Variants in ESR2 observed in about 807,000 individuals in gnomAD.
The protein encoded by ESR2 is estrogen receptor 2.
In ESR2, 36 loss-of-function variants were observed where a neutral mutation model predicts 49.6. That is an observed-to-expected ratio of 0.73 (90% CI 0.56 to 0.96). The LOEUF (loss-of-function observed/expected upper bound fraction) is 0.96, where lower values mean the gene tolerates loss of function less well. ESR2 is among the 40% of genes least tolerant of loss of function. The pLI is 0.00. For synonymous variants in ESR2, 320 were observed against 266.1 expected, an observed-to-expected ratio of 1.20 and a Z score of -1.97; for missense variants, 714 against 693.0, an observed-to-expected ratio of 1.03 and a Z score of -0.34.
At chr14:64,287,683 A>T (rs1299322171) in intron 1 of ESR2, among the ~76,000 whole-genome samples, 1 of 152,198 alleles carries the variant, frequency 6.6e-6, no homozygotes, top group Admixed American at 6.5e-5. Context: ...GAGACAGGAG[A>T]ACAGGTAGCA....
At chr14:64,297,697 T>C (rs778649177), upstream of ESR2, 1 of 152,138 alleles carries the variant, frequency 6.6e-6, no homozygotes, top group African/African-American at 2.4e-5. Context: ...GGAAAGAAAC[T>C]ACCAAGAGGC....
intron 6 of ESR2, among the ~76,000 whole-genome samples, chr14:64,251,194 A>C (rs1286635760): frequency 6.6e-6 from 1 of 152,090 alleles, no homozygotes. Flanking sequence ...GAGATAACAC[A>C]AAAAACACCT....
chr14:64,320,891 G>A (rs899202761), intron 1 of ESR2, among the ~76,000 whole-genome samples: 5 of 151,856 alleles, frequency 3.3e-5, no homozygotes, highest in South Asian at 2.1e-4. Context: ...GCGAAACTCC[G>A]CCTCAATAAT....
chr14:64,291,348 A>G (rs1173662328), intron 1 of ESR2, among the ~76,000 whole-genome samples: 1 of 152,172 alleles, frequency 6.6e-6, no homozygotes, highest in Non-Finnish European at 1.5e-5. Flanking sequence ...CTCCACTAAA[A>G]GCCCTTCATT....
At chr14:64,239,081 G>A (rs2075667218) in intron 7 of ESR2, among the ~76,000 whole-genome samples, 1 of 152,212 alleles carries the variant, frequency 6.6e-6, no homozygotes, top group Non-Finnish European at 1.5e-5. Flanking sequence ...TGGCTTTGGG[G>A]AGCCGTATGT....
chr14:64,332,753 T>C, intron 1 of ESR2, among the ~76,000 whole-genome samples: 1 of 137,712 alleles, frequency 7.3e-6, no homozygotes. Flanking sequence ...TGAGCGGAGA[T>C]CGCACCACTG....
In ESR2 at chr14:64,260,721, C is replaced by T. The variant is rs2076202098; in HGVS notation, c.680G>A (p.Arg227His). 2 of 1,520,762 alleles carry T rather than the reference C, an allele frequency of 1.3e-6. No homozygotes were observed. The highest frequency in any genetic ancestry group is 1.4e-5 in the African/African-American group (1 of 71,622). 94.2% of individuals were successfully genotyped at this position (1,520,762 alleles called of 1,614,324 possible). The change falls in exon 5 of 9, where the codon CGC (arginine) becomes CAC (histidine). Residue 227 changes from arginine to histidine, a missense_variant. Arg to His is a conservative substitution (Grantham distance 29). Coordinates refer to ENST00000341099, the MANE Select transcript of ESR2 (RefSeq NM_001437.3). ...GGCACTTCTCTGTCTCCGCACAAGG[C>T]GGTACCCACATCTCTCTCTCCGGGA... is the stretch of plus-strand genomic sequence containing the variant. ...CGSRRERCGY[R>H]LVRRQRSADE...
chr14:64,255,783 G>A (rs1341153600), intron 6 of ESR2, among the ~76,000 whole-genome samples: 1 of 152,178 alleles, frequency 6.6e-6, no homozygotes, highest in East Asian at 1.9e-4. Flanking sequence ...GTTACTGAAG[G>A]GTCTTGTGCC....
At chr14:64,226,863 A>G (rs967347970), downstream of ESR2, 4 of 151,976 alleles carry the variant, frequency 2.6e-5, no homozygotes, top group African/African-American at 9.7e-5. Context: ...GCTAATTATT[A>G]TATTTTTAAT....
intron 1 of ESR2, chr14:64,301,272 A>G (rs780269077): frequency 5.3e-5 from 8 of 152,196 alleles, no homozygotes; most frequent in Non-Finnish European, 1.0e-4. Flanking sequence ...AATGGTGGCA[A>G]TCAGGAATTT....
chr14:64,241,145 CAAAAAAA>C lies in ESR2; in HGVS notation c.1226-6002_1226-5996del, dbSNP rs56347632. 6.6e-3 allele frequency among the ~76,000 whole-genome samples: 633 copies of C among 95,362 alleles called. 1 individual carries two copies. Among genetic ancestry groups the C allele is most frequent in the Non-Finnish European group, 7.6e-3 (368 of 48,632 alleles). The allele number at this position is 95,362 out of a possible 152,430, so 62.6% of individuals were successfully genotyped here. On this transcript the variant is annotated intron_variant, in intron 7 of 8. Transcript: ENST00000341099. The stretch of plus-strand genomic sequence containing the variant: ...TGGGCCACAGAGCGAGACTCCGTCT[CAAAAAAA>C]AAAAAAAAAAAAAAAAAAGATAGGC...
Position 64,230,585 on chromosome 14 carries a change from C to G in ESR2, c.*2552G>C, listed in dbSNP as rs917076733. Among the ~76,000 whole-genome samples, 2 of 151,998 alleles carry G rather than the reference C, an allele frequency of 1.3e-5. No homozygotes were observed. Among genetic ancestry groups the G allele is most frequent in the African/African-American group, 2.4e-5 (1 of 41,370 alleles). On this transcript the variant is annotated 3_prime_UTR_variant, in exon 9 of 9. Coordinates refer to ENST00000341099, the MANE Select transcript of ESR2 (RefSeq NM_001437.3). Reference sequence around the variant, plus strand: ...TTTGTGACTAGGCTGACAGCTTTGTCTTGTGTTCCCGCCTTAATTTTTTGA... The same window carrying G: ...TTTGTGACTAGGCTGACAGCTTTGTGTTGTGTTCCCGCCTTAATTTTTTGA...
chr14:64,318,516 G>A lies in ESR2; in HGVS notation c.-91+19382C>T, dbSNP rs889750117. 1.1e-4 allele frequency among the ~76,000 whole-genome samples: 8 copies of A among 72,016 alleles called. No homozygotes were observed. In the East Asian group the frequency reaches 2.4e-3, roughly 21 times the overall value. 47.2% of individuals were successfully genotyped at this position (72,016 alleles called of 152,430 possible). On this transcript the variant is annotated intron_variant, in intron 1 of 8. Coordinates refer to the ESR2 transcript ENST00000358599. ...CGTGCCACCACACTCTAGCCTGGGC[G>A]ACAAGAACGAAACTCCATCTCAAAA... is the stretch of plus-strand genomic sequence containing the variant.
rs1322792092 is a variant in ESR2 at position 64,338,034 on chromosome 14, G to GCAAT, written c.-231_-228dup. 30 of 154,370 alleles carry GCAAT rather than the reference G, an allele frequency of 1.9e-4. 1 individual carries two copies. The highest frequency in any genetic ancestry group is 4.4e-5 in the Non-Finnish European group (3 of 68,608). 9.6% of individuals were successfully genotyped at this position (154,370 alleles called of 1,614,324 possible). On this transcript the variant is annotated 5_prime_UTR_variant, in exon 1 of 9. Coordinates refer to the ESR2 transcript ENST00000358599. ...GCCGCCGCCCTGTCAGGCTTCCCAG[G>GCAAT]CAATCGCCCATCTTATTCCTTCTCC...
chr14:64,311,803 C>A (rs1349727722), intron 1 of ESR2, among the ~76,000 whole-genome samples: 1 of 151,402 alleles, frequency 6.6e-6, no homozygotes, highest in Admixed American at 6.6e-5. Flanking sequence ...ACAGCAATAC[C>A]CCATCTCTAA....
intron 7 of ESR2, among the ~76,000 whole-genome samples, chr14:64,243,168 A>G (rs548741321): frequency 6.6e-6 from 1 of 152,312 alleles, no homozygotes; most frequent in South Asian, 2.1e-4. Context: ...CCTCAAATGC[A>G]TGGTAGAATT....
chr14:64,243,501 C>A (rs1433952850), intron 7 of ESR2, among the ~76,000 whole-genome samples: 1 of 152,182 alleles, frequency 6.6e-6, no homozygotes, highest in East Asian at 1.9e-4. Flanking sequence ...CTGTGATGCA[C>A]AATAAAGCAA....
intron 1 of ESR2, among the ~76,000 whole-genome samples, chr14:64,318,254 C>T (rs998209587): frequency 5.3e-5 from 8 of 151,964 alleles, no homozygotes; most frequent in Non-Finnish European, 1.0e-4. Context: ...TTTAAAGTAT[C>T]GGCCGGGTGC....
At chr14:64,331,573 T>C (rs376508039) in intron 1 of ESR2, among the ~76,000 whole-genome samples, 5 of 152,194 alleles carry the variant, frequency 3.3e-5, no homozygotes, top group South Asian at 4.2e-4. Context: ...ACGCTGGTAA[T>C]CCCAGCACTT....
Sources: gnomAD v4.1 joint callset for allele counts (sites outside exome capture counted in the v4.1 genomes callset) on GRCh38, gnomAD v4.1.1 for gene constraint, MANE v1.5 for transcripts, NCBI Gene and HGNC (gene_info 2026-07-23, HGNC 2026-07-21) for gene names.